FAM240C: variants seen among roughly 807,000 people sequenced by gnomAD.
The protein encoded by FAM240C is family with sequence similarity 240 member C, also known as protein FAM240C.
In FAM240C, 14 loss-of-function variants were observed where a neutral mutation model predicts 10.0. The ratio of observed to expected loss-of-function variants is 1.40; its 90% confidence interval spans 0.92 to 2.19. The LOEUF (loss-of-function observed/expected upper bound fraction) is 2.19. Among genes scored for constraint, FAM240C ranks in the 30% most tolerant of loss-of-function variants. The probability of loss-of-function intolerance (pLI) is 0.00; values close to 1 mark genes in which losing one functional copy is unlikely to be tolerated. For synonymous variants in FAM240C, 49 were observed against 44.3 expected (o/e 1.11, Z -0.42); for missense variants, 154 against 122.3 (o/e 1.26, Z -1.22).
chr2:241,898,045 C>G (rs1178172978), intron 1 of FAM240C, among the ~76,000 whole-genome samples: 1 of 152,202 alleles, frequency 6.6e-6, no homozygotes, highest in East Asian at 1.9e-4. Flanking sequence ...CAGTTGGCCT[C>G]TCTCGACACC....
chr2:241,899,783 C>T (rs3934496), intron 1 of FAM240C, among the ~76,000 whole-genome samples: 54,867 of 152,054 alleles, frequency 0.36, 11,826 homozygotes, highest in East Asian at 0.66. Flanking sequence ...GAAACAGACA[C>T]GCGGCCGGGC....
intron 2 of FAM240C, among the ~76,000 whole-genome samples, chr2:241,896,571 G>GT (rs1321224225): frequency 4.7e-5 from 6 of 127,222 alleles, no homozygotes; most frequent in African/African-American, 1.2e-4. Flanking sequence ...GGGTGTGGGT[G>GT]TGGGGGTGTG....
At chr2:241,900,963 C>T (rs4074971), upstream of FAM240C, among the ~76,000 whole-genome samples, 3,313 of 152,142 alleles carry the variant, frequency 0.022, 336 homozygotes, top group Admixed American at 0.17. This position sits in a 1 kb window ranked among gnomAD's most constrained non-coding sequence, Gnocchi z 4.5. Context: ...GGAAAGCCTG[C>T]GGTGTCAGTC....
At chr2:241,896,927 C>T (rs1207826087) in intron 2 of FAM240C, among the ~76,000 whole-genome samples, 1 of 151,578 alleles carries the variant, frequency 6.6e-6, no homozygotes, top group Non-Finnish European at 1.5e-5. Flanking sequence ...GATGTTTGAT[C>T]TGAGCTCCTG....
At chr2:241,900,528 G>A (rs1035425528), upstream of FAM240C, 9 of 628,074 alleles carry the variant, frequency 1.4e-5, no homozygotes, top group African/African-American at 9.1e-5. The surrounding 1 kb of genome is among the most constrained non-coding windows in gnomAD (Gnocchi z 4.5). Flanking sequence ...GCTGCCCTCT[G>A]TCTGGGCACC....
intron 1 of FAM240C, chr2:241,899,416 G>T: frequency 1.2e-6 from 1 of 850,892 alleles, no homozygotes; most frequent in Non-Finnish European, 1.4e-6. Flanking sequence ...CCTGTGCTGA[G>T]GACGCTGGCG....
chr2:241,895,480 T>C (rs1701774036), intron 2 of FAM240C, among the ~76,000 whole-genome samples: 1 of 152,172 alleles, frequency 6.6e-6, no homozygotes, highest in Non-Finnish European at 1.5e-5. Context: ...ATGGGCCAGC[T>C]CCTCTCTCAC....
At chr2:241,899,796 G>A (rs1042422417) in intron 1 of FAM240C, among the ~76,000 whole-genome samples, 1 of 152,176 alleles carries the variant, frequency 6.6e-6, no homozygotes, top group Admixed American at 6.5e-5. Context: ...GGCCGGGCGC[G>A]GTGGCTCAGG....
chr2:241,899,063 A>G, intron 1 of FAM240C: 2 of 1,214,830 alleles, frequency 1.6e-6, no homozygotes, highest in Non-Finnish European at 2.2e-6. Flanking sequence ...GCGGCCCGAG[A>G]GGAAAACCAG....
At chr2:241,898,790 C>G (rs1427043753) in intron 1 of FAM240C, among the ~76,000 whole-genome samples, 2 of 152,242 alleles carry the variant, frequency 1.3e-5, no homozygotes, top group African/African-American at 4.8e-5. Context: ...CACAAGGGAG[C>G]CAGGGCCACG....
chr2:241,895,532 G>C (rs1015465265), intron 2 of FAM240C, among the ~76,000 whole-genome samples: 3 of 152,262 alleles, frequency 2.0e-5, no homozygotes, highest in Non-Finnish European at 4.4e-5. Context: ...GCTCACACCA[G>C]CACACGGGAC....
At chr2:241,894,366 T>C (rs566976537) in intron 2 of FAM240C, 27 bp from the exon 3 acceptor site, 63 of 1,529,450 alleles carry the variant, frequency 4.1e-5, no homozygotes, top group Non-Finnish European at 5.5e-5. Context: ...ATTTCGGCAT[T>C]GTGAGTCAAG....
chr2:241,902,172 G>T (rs963334878), upstream of FAM240C, among the ~76,000 whole-genome samples: 2 of 152,164 alleles, frequency 1.3e-5, no homozygotes, highest in Admixed American at 1.3e-4. The surrounding 1 kb of genome is among the most constrained non-coding windows in gnomAD (Gnocchi z 7.1). Flanking sequence ...TCCCAGTGCA[G>T]TGGGCTCCAG....
chr2:241,897,690 A>G (rs1407663819), intron 1 of FAM240C, among the ~76,000 whole-genome samples: 1 of 152,204 alleles, frequency 6.6e-6, no homozygotes. Flanking sequence ...CCCACCAGCG[A>G]GGTGAGCGTT....
intron 2 of FAM240C, 141 bp downstream of exon 2, chr2:241,897,036 GACTCCTTTC>G: frequency 1.3e-6 from 1 of 794,866 alleles, no homozygotes; most frequent in Non-Finnish European, 2.0e-6. Context: ...CTCCTGGGTT[GACTCCTTTC>G]ACAGGCCTGG....
rs554144276 is a variant in FAM240C at position 241,894,466 on chromosome 2, G to A, written c.162-127C>T. ...GTATGACACTCCCTGCCAGGGGTGG[G>A]GGTGTCACCGCATCCCTGCCCAGCC... On this transcript the variant is annotated intron_variant, in intron 2 of 2. Transcript: ENST00000404031. The A allele has an allele frequency of 9.2e-6, 10 of 1,084,156 alleles. No homozygotes were observed. The East Asian group carries it at 1.6e-4, about 17-fold the overall frequency. 67.2% of individuals were successfully genotyped at this position (1,084,156 alleles called of 1,614,324 possible). A position where few individuals can be genotyped will look rare whatever the true frequency, so the allele number is the denominator to read the frequency against.
intron 2 of FAM240C, among the ~76,000 whole-genome samples, chr2:241,895,848 A>G (rs932113943): frequency 2.6e-5 from 4 of 151,916 alleles, no homozygotes; most frequent in Admixed American, 6.5e-5. Flanking sequence ...ACCAGGGCAC[A>G]TGGCACATGC....
intron 2 of FAM240C, among the ~76,000 whole-genome samples, chr2:241,895,996 G>A (rs563926326): frequency 1.4e-4 from 21 of 152,114 alleles, no homozygotes; most frequent in South Asian, 1.0e-3. Context: ...ATCGTCTGCC[G>A]AGTGCCTGCG....
intron 2 of FAM240C, among the ~76,000 whole-genome samples, chr2:241,895,829 C>A (rs1701782933): frequency 6.6e-6 from 1 of 152,182 alleles, no homozygotes; most frequent in East Asian, 1.9e-4. Context: ...CAGGCAATGG[C>A]CAGAGGACAC....
Sources: allele counts gnomAD v4.1 joint callset (sites outside exome capture counted in the v4.1 genomes callset), GRCh38; gene constraint gnomAD v4.1.1; non-coding constraint Gnocchi (gnomAD v3.1); transcripts MANE v1.5; gene names NCBI Gene and HGNC (gene_info 2026-07-23, HGNC 2026-07-21).